The following ZNF638 variants were observed in gnomAD, a reference collection of about 807,000 sequenced individuals.
The protein encoded by ZNF638 is zinc finger protein 638, also known as CTCL tumor antigen se33-1.
ZNF638 carries 46 observed loss-of-function variants against 195.6 expected under a neutral mutation model. The observed-to-expected ratio is 0.24, with a 90% CI of 0.19 to 0.30. The LOEUF (loss-of-function observed/expected upper bound fraction) is 0.30. Ranked by LOEUF, ZNF638 falls within the 10% of genes least tolerant of loss-of-function variation. The pLI is 1.00. For missense variants in ZNF638, 2,440 were observed against 2,325.3 expected, an observed-to-expected ratio of 1.05 and a Z score of -1.01; for synonymous variants, 845 against 772.0, an observed-to-expected ratio of 1.09 and a Z score of -1.57.
intron 10 of ZNF638, chr2:71,393,526 C>T (rs1260897057): frequency 1.4e-6 from 1 of 717,814 alleles, no homozygotes; most frequent in Non-Finnish European, 2.6e-6. Flanking sequence ...TCAGACGACA[C>T]AAGCCCCGGA....
chr2:71,418,706 T>A, intron 21 of ZNF638, 67 bp downstream of exon 21: 1 of 1,122,186 alleles, frequency 8.9e-7, no homozygotes. Context: ...TTGCTGTATT[T>A]TATAGTAATG....
At chr2:71,397,036 A>G (rs1573115970) in intron 11 of ZNF638, among the ~76,000 whole-genome samples, 2 of 152,188 alleles carry the variant, frequency 1.3e-5, no homozygotes, top group South Asian at 4.1e-4. Flanking sequence ...TTAGTGGCAG[A>G]TCCAGAATTT....
chr2:71,332,670 A>G lies in ZNF638; in HGVS notation c.-203+795A>G, dbSNP rs553939287. Among the ~76,000 whole-genome samples, 42 of 152,320 alleles carry G rather than the reference A, an allele frequency of 2.8e-4. No individual in the cohort carries two copies. In the South Asian group the frequency reaches 6.6e-3, roughly 24 times the overall value. ...TCTCTTAAAGGAAGGGGGAATGTAT[A>G]TATCACAGACTGGAATCCTTGAGAA... On this transcript the variant is annotated intron_variant, in intron 1 of 27. Coordinates refer to ENST00000264447, the MANE Select transcript of ZNF638 (RefSeq NM_014497.5).
intron 10 of ZNF638, among the ~76,000 whole-genome samples, chr2:71,393,025 C>A (rs1255073212): frequency 6.6e-6 from 1 of 152,150 alleles, no homozygotes. Context: ...TGATAATAAT[C>A]TGGCCTGTGC....
chr2:71,410,369 A>ATTT (rs142981822), intron 20 of ZNF638, among the ~76,000 whole-genome samples: 1 of 138,814 alleles, frequency 7.2e-6, no homozygotes, highest in African/African-American at 2.8e-5. Context: ...TTGATTTTTG[A>ATTT]TTTTTTTTTT....
At chr2:71,367,322 A>G (rs2079217884) in intron 6 of ZNF638, among the ~76,000 whole-genome samples, 1 of 151,284 alleles carries the variant, frequency 6.6e-6, no homozygotes, top group Admixed American at 6.6e-5. Flanking sequence ...GTAGTGGCAC[A>G]GTCATAGCTC....
chr2:71,420,987 A>G (rs2080420285), intron 21 of ZNF638, among the ~76,000 whole-genome samples: 1 of 152,182 alleles, frequency 6.6e-6, no homozygotes, highest in African/African-American at 2.4e-5. Flanking sequence ...TGTATATAAG[A>G]TAATAACTTT....
intron 17 of ZNF638, 137 bp downstream of exon 17, chr2:71,404,135 C>A: frequency 3.8e-6 from 3 of 798,292 alleles, no homozygotes; most frequent in Non-Finnish European, 5.9e-6. Flanking sequence ...CCTGTCCCTC[C>A]AACAATCACC....
Position 71,406,004 on chromosome 2 carries a change from T to C in ZNF638, c.3001-124T>C. 9 of 1,119,952 alleles carry C rather than the reference T, an allele frequency of 8.0e-6. 1 individual carries two copies. The South Asian group carries it at 1.4e-4, about 17-fold the overall frequency. The allele number at this position is 1,119,952 out of a possible 1,614,324, so 69.4% of individuals were successfully genotyped here. The stretch of plus-strand genomic sequence containing the variant: ...GACCTCACTGTCTTCCCCCATGTAG[T>C]CATTTTCTTACTCTTGGGAGAGAAC... On this transcript the variant is annotated intron_variant, in intron 18 of 27. Transcript: ENST00000264447.
At chr2:71,395,890 A>G (rs1338205085) in intron 10 of ZNF638, 1 of 550,954 alleles carries the variant, frequency 1.8e-6, no homozygotes, top group African/African-American at 1.9e-5. Context: ...TGTTGATGGG[A>G]ATATTAATTG....
chr2:71,424,798 A>T, intron 23 of ZNF638, 83 bp downstream of exon 23: 1 of 1,167,570 alleles, frequency 8.6e-7, no homozygotes, highest in Non-Finnish European at 1.2e-6. Context: ...TGCCTGCCTT[A>T]ACAATGTTAG....
At chr2:71,409,810 T>C (rs1203435861) in intron 20 of ZNF638, among the ~76,000 whole-genome samples, 1 of 152,212 alleles carries the variant, frequency 6.6e-6, no homozygotes, top group African/African-American at 2.4e-5. Context: ...CGACCAATTA[T>C]ATACACCTTT....
chr2:71,360,022 A>T (rs1361817763), intron 3 of ZNF638, among the ~76,000 whole-genome samples: 2 of 152,190 alleles, frequency 1.3e-5, no homozygotes, highest in African/African-American at 4.8e-5. Flanking sequence ...AAGTATAAGG[A>T]TTATTCCAGA....
At chr2:71,387,383 G>A (rs771163095) in intron 10 of ZNF638, among the ~76,000 whole-genome samples, 53 of 151,992 alleles carry the variant, frequency 3.5e-4, no homozygotes, top group Non-Finnish European at 7.1e-4. Context: ...AAAAGTAAAA[G>A]CACTTTGCTT....
In ZNF638 at chr2:71,422,987, C is replaced by G. The variant is rs745696089; in HGVS notation, c.3473C>G (p.Ser1158Cys). 2 of 1,614,104 alleles carry G rather than the reference C, an allele frequency of 1.2e-6. No homozygotes were observed. Among genetic ancestry groups the G allele is most frequent in the East Asian group, 2.2e-5 (1 of 44,870 alleles). The change falls in exon 22 of 28, where the codon TCT (serine) becomes TGT (cysteine). Residue 1158 changes from serine (S) to cysteine (C), a missense_variant. Physicochemically the swap from Ser to Cys is moderately radical, Grantham distance 112. Coordinates refer to ENST00000264447, the MANE Select transcript of ZNF638 (RefSeq NM_014497.5). Reference protein sequence around the residue: ...EEEAEKATCDSDFAVETLELE... With the variant: ...EEEAEKATCDCDFAVETLELE... ...GAAGCTGAAAAAGCAACATGTGATTCTGACTTTGCTGTTGAAACTTTGGAG... is the reference window on the plus strand; with the variant it reads ...GAAGCTGAAAAAGCAACATGTGATTGTGACTTTGCTGTTGAAACTTTGGAG...
chr2:71,388,192 A>G (rs892053406), intron 10 of ZNF638, among the ~76,000 whole-genome samples: 1 of 152,186 alleles, frequency 6.6e-6, no homozygotes, highest in Admixed American at 6.5e-5. Flanking sequence ...TTCGGGAGAG[A>G]ATAAAGGCTG....
intron 8 of ZNF638, among the ~76,000 whole-genome samples, chr2:71,371,058 A>AT (rs1051718162): frequency 9.2e-5 from 14 of 151,880 alleles, no homozygotes; most frequent in Admixed American, 3.3e-4. Flanking sequence ...AAATTGTGGG[A>AT]TTTTTTAGAT....
chr2:71,363,455 G>C (rs2079142589), intron 4 of ZNF638, among the ~76,000 whole-genome samples: 1 of 151,960 alleles, frequency 6.6e-6, no homozygotes, highest in African/African-American at 2.4e-5. Context: ...TAAATGCCTT[G>C]AATGCTAGGA....
intron 20 of ZNF638, among the ~76,000 whole-genome samples, chr2:71,410,161 T>C (rs2080183499): frequency 6.6e-6 from 1 of 152,184 alleles, no homozygotes; most frequent in Non-Finnish European, 1.5e-5. Flanking sequence ...ATATTATTAA[T>C]TCTTTAAACT....
Sources: gnomAD v4.1 joint callset for allele counts (sites outside exome capture counted in the v4.1 genomes callset) on GRCh38, gnomAD v4.1.1 for gene constraint, MANE v1.5 for transcripts, NCBI Gene and HGNC (gene_info 2026-07-23, HGNC 2026-07-21) for gene names.